The following ZFAND4 variants were observed in gnomAD, a reference collection of about 807,000 sequenced individuals.
The protein encoded by ZFAND4 is zinc finger AN1-type containing 4.
Under a neutral mutation model 64.4 loss-of-function variants are expected in ZFAND4, and 43 were observed. The ratio of observed to expected loss-of-function variants is 0.67; its 90% CI spans 0.52 to 0.86. The LOEUF is 0.86. ZFAND4 is among the 40% of genes least tolerant of loss of function. The pLI is 0.00. For missense variants in ZFAND4, 929 were observed against 859.8 expected (o/e 1.08, Z -1.01); for synonymous variants, 296 against 305.7 (o/e 0.97, Z 0.33).
In ZFAND4 at chr10:45,655,055, G is replaced by A. The variant is rs145974220; in HGVS notation, c.185-1996C>T. On this transcript the variant is annotated intron_variant, in intron 2 of 9. Coordinates refer to ENST00000344646, the MANE Select transcript of ZFAND4 (RefSeq NM_174890.4). ...CCGAAGAACTGAAAAATATACATTCGTCTCATCAGCACATGAAACATTCTC... is the reference window on the plus strand; with the variant it reads ...CCGAAGAACTGAAAAATATACATTCATCTCATCAGCACATGAAACATTCTC... Among the ~76,000 whole-genome samples the A allele has an allele frequency of 6.6e-5, 10 of 152,114 alleles. No homozygotes were observed. In the East Asian group the frequency reaches 7.7e-4, roughly 12 times the overall value.
intron 9 of ZFAND4, among the ~76,000 whole-genome samples, chr10:45,617,543 G>A (rs933926908): frequency 4.9e-5 from 7 of 144,256 alleles, no homozygotes; most frequent in Non-Finnish European, 6.0e-5. Context: ...CAGGGGGATC[G>A]CTTGAGCCCA....
chr10:45,658,313 G>C (rs2048263055), intron 2 of ZFAND4, among the ~76,000 whole-genome samples: 1 of 152,134 alleles, frequency 6.6e-6, no homozygotes, highest in African/African-American at 2.4e-5. Context: ...CAATGAACTA[G>C]AAAGATTGAA....
At chr10:45,642,894 T>C (rs1338067045) in intron 5 of ZFAND4, among the ~76,000 whole-genome samples, 1 of 150,492 alleles carries the variant, frequency 6.6e-6, no homozygotes, top group Non-Finnish European at 1.5e-5. Context: ...TAGTGCTATA[T>C]GTAATTTCTC....
At chr10:45,668,583 A>C (rs1244925458) in intron 1 of ZFAND4, among the ~76,000 whole-genome samples, 1 of 152,246 alleles carries the variant, frequency 6.6e-6, no homozygotes, top group East Asian at 1.9e-4. Context: ...AAGACATTTT[A>C]ATGTCTGGCA....
At chr10:45,621,459 A>AAGGCCAGG (rs2045416509) in intron 8 of ZFAND4, among the ~76,000 whole-genome samples, 1 of 151,612 alleles carries the variant, frequency 6.6e-6, no homozygotes, top group East Asian at 1.9e-4. Context: ...AACTGAGGTT[A>AAGGCCAGG]AGGCCAGGCG....
At position 45,641,937 on chromosome 10, in the gene ZFAND4, C is replaced by G. The variant is rs112460076; in HGVS notation, c.570-1974G>C. Among the ~76,000 whole-genome samples, 1,189 of 152,290 alleles carry G rather than the reference C, an allele frequency of 7.8e-3. 11 individuals carry two copies. The highest frequency in any genetic ancestry group is 0.027 in the African/African-American group (1,134 of 41,562). ...GTTCCTAAGCTGATTCTTCCTACTACTACTCATTGCTTCCCCAGGCACCAA... is the reference window on the plus strand; with the variant it reads ...GTTCCTAAGCTGATTCTTCCTACTAGTACTCATTGCTTCCCCAGGCACCAA... On this transcript the variant is annotated intron_variant, in intron 5 of 9. Transcript: ENST00000344646.
At chr10:45,660,462 A>C (rs1033150583) in intron 2 of ZFAND4, among the ~76,000 whole-genome samples, 1 of 152,236 alleles carries the variant, frequency 6.6e-6, no homozygotes, top group Non-Finnish European at 1.5e-5. Flanking sequence ...AAAAGGTGCC[A>C]CTAGAATATC....
rs774651940 is a variant in ZFAND4 at position 45,663,756 on chromosome 10, T to C, written c.-31A>G. The C allele has an allele frequency of 6.4e-7, 1 of 1,555,676 alleles. No individual in the cohort carries two copies. The highest frequency in any genetic ancestry group is 8.7e-7 in the Non-Finnish European group (1 of 1,154,118). Reference sequence around the variant, plus strand: ...TGACTTTTCTAGTTCTTCTAAAATATGTCGCAGGCAACTGTATTCCAGTTC... The same window carrying C: ...TGACTTTTCTAGTTCTTCTAAAATACGTCGCAGGCAACTGTATTCCAGTTC... On this transcript the variant is annotated 5_prime_UTR_variant, in exon 2 of 10. Transcript: ENST00000344646.
chr10:45,670,742 C>T (rs1190157889), intron 1 of ZFAND4, among the ~76,000 whole-genome samples: 1 of 152,138 alleles, frequency 6.6e-6, no homozygotes, highest in Non-Finnish European at 1.5e-5. Context: ...AGAAGAAAAC[C>T]TAGGCAATAC....
At chr10:45,638,836 G>C (rs2046799278) in intron 6 of ZFAND4, among the ~76,000 whole-genome samples, 1 of 152,008 alleles carries the variant, frequency 6.6e-6, no homozygotes. Context: ...TTTAACAAAA[G>C]AAACCAGACC....
intron 1 of ZFAND4, among the ~76,000 whole-genome samples, chr10:45,670,377 C>T (rs1002183258): frequency 6.6e-6 from 1 of 152,112 alleles, no homozygotes; most frequent in Non-Finnish European, 1.5e-5. Flanking sequence ...CAGGCATGTG[C>T]CACCACGCCC....
chr10:45,664,872 G>C (rs1042469786), intron 1 of ZFAND4, among the ~76,000 whole-genome samples: 3 of 151,748 alleles, frequency 2.0e-5, no homozygotes, highest in Non-Finnish European at 2.9e-5. Flanking sequence ...CAGAGCTTGC[G>C]GTGAGCCGAG....
intron 3 of ZFAND4, 137 bp downstream of exon 3, chr10:45,652,847 G>A: frequency 1.6e-6 from 1 of 615,362 alleles, no homozygotes; most frequent in Non-Finnish European, 2.8e-6. Context: ...TAAAGTTCAG[G>A]ATGTATAATG....
intron 6 of ZFAND4, among the ~76,000 whole-genome samples, chr10:45,631,455 T>C (rs2046219892): frequency 6.7e-6 from 1 of 150,342 alleles, no homozygotes; most frequent in Non-Finnish European, 1.5e-5. Flanking sequence ...AAGTGTATAG[T>C]GAAAATTGAC....
chr10:45,662,751 C>T (rs1368036192), intron 2 of ZFAND4: 2 of 740,220 alleles, frequency 2.7e-6, no homozygotes, highest in East Asian at 1.3e-4. Flanking sequence ...AATTCTAACC[C>T]TCCTCATCCT....
rs373664927 is a variant in ZFAND4 at position 45,618,147 on chromosome 10, C to T, written c.2041G>A (p.Glu681Lys). The change falls in exon 9 of 10, where the codon GAA (glutamate) becomes AAA (lysine). Residue 681 changes from glutamate (E) to lysine (K), a missense_variant. Glu to Lys is a moderately conservative substitution (Grantham distance 56). Coordinates refer to ENST00000344646, the MANE Select transcript of ZFAND4 (RefSeq NM_174890.4). Reference sequence around the variant, plus strand: ...TCCAGCTCGCCAACCTGCCTGCATTCGTAGCTACTAGCCAGTCCTGTTTTC... The same window carrying T: ...TCCAGCTCGCCAACCTGCCTGCATTTGTAGCTACTAGCCAGTCCTGTTTTC... Reference protein sequence around the residue: ...GKKTGLASSYECRCGNNFCAS... With the variant: ...GKKTGLASSYKCRCGNNFCAS... 5 of 1,608,180 alleles carry T rather than the reference C, an allele frequency of 3.1e-6. No individual in the cohort carries two copies. The Admixed American group carries it at 5.1e-5, about 17-fold the overall frequency.
At chr10:45,627,152 C>A in intron 6 of ZFAND4, 47 bp from the exon 7 acceptor site, 1 of 1,453,804 alleles carries the variant, frequency 6.9e-7, no homozygotes. Context: ...GTTTTCTCTG[C>A]CCATTAACAA....
chr10:45,623,434 T>C (rs1217267356), intron 8 of ZFAND4, among the ~76,000 whole-genome samples: 1 of 152,154 alleles, frequency 6.6e-6, no homozygotes, highest in Non-Finnish European at 1.5e-5. Flanking sequence ...ATTGTGTGTG[T>C]GTGTACACAC....
intron 6 of ZFAND4, among the ~76,000 whole-genome samples, chr10:45,637,339 CAAAAAAAA>C (rs376511722): frequency 1.4e-5 from 1 of 71,300 alleles, no homozygotes; most frequent in African/African-American, 5.3e-5. Flanking sequence ...GACTCCGTCT[CAAAAAAAA>C]AAAAAAAAAA....
Sources: gnomAD v4.1 joint callset for allele counts (sites outside exome capture counted in the v4.1 genomes callset) on GRCh38, gnomAD v4.1.1 for gene constraint, MANE v1.5 for transcripts, NCBI Gene and HGNC (gene_info 2026-07-23, HGNC 2026-07-21) for gene names.